Variants in ZNF469 observed in about 807,000 individuals in gnomAD.
ZNF469 encodes zinc finger protein 469.
Under a neutral mutation model 1.0 loss-of-function variants are expected in ZNF469, and 1 was observed. The ratio of observed to expected loss-of-function variants is 1.00; its 90% CI spans 0.35 to 4.73. The LOEUF (loss-of-function observed/expected upper bound fraction) is 4.73, where lower values mean the gene tolerates loss of function less well. Among genes scored for constraint, ZNF469 ranks in the 30% most tolerant of loss-of-function variants. ZNF469 has a pLI of 0.16. For missense variants in ZNF469, 6,100 were observed against 5,356.3 expected (o/e 1.14, Z -4.33); for synonymous variants, 2,703 against 2,363.4 (o/e 1.14, Z -4.17).
chr16:88,128,610 C>A, the ZNF469 span, among the ~76,000 whole-genome samples: 2 of 152,188 alleles, frequency 1.3e-5, no homozygotes, highest in African/African-American at 2.4e-5. Flanking sequence ...AGACAAGAGA[C>A]CCCCTCCCGC....
In ZNF469 at chr16:88,434,996, C is replaced by T. The variant is rs1906470183; in HGVS notation, c.7526C>T (p.Ala2509Val). Residue 2509 changes from alanine to valine, a missense_variant, in exon 3 of 3, where the codon GCC becomes GTC. Coordinates refer to ENST00000565624, the MANE Select transcript of ZNF469 (RefSeq NM_001367624.2). ...GCCCCCGCGGAGCCGAGCCCAGCGG[C>T]CTTGCCTGCTCAGCAGCCTCTAGAG... ...PGAPAEPSPA[A>V]LPAQQPLEPL... 9 of 1,550,278 alleles carry T rather than the reference C, an allele frequency of 5.8e-6. No individual in the cohort carries two copies. The highest frequency in any genetic ancestry group is 2.4e-5 in the East Asian group (1 of 40,918).
chr16:88,393,082 C>T (rs964323858), intron 1 of ZNF469, among the ~76,000 whole-genome samples: 1 of 152,398 alleles, frequency 6.6e-6, no homozygotes. Flanking sequence ...AACATCTGGC[C>T]GCAGGGCCTG....
the ZNF469 span, among the ~76,000 whole-genome samples, chr16:88,287,301 A>C: frequency 6.6e-6 from 1 of 152,246 alleles, no homozygotes; most frequent in East Asian, 1.9e-4. Context: ...TTGCTGTCAC[A>C]GTGAAACTGC....
chr16:88,239,709 ATATATATTTTTTTTTTTTTTTT>A, the ZNF469 span, among the ~76,000 whole-genome samples: 1 of 4,964 alleles, frequency 2.0e-4, no homozygotes, highest in Non-Finnish European at 3.1e-4. Context: ...ATATATATAT[ATATATATTTTTTTTTTTTTTTT>A]TTTTTTTTTT....
chr16:88,340,229 G>T, the ZNF469 span, among the ~76,000 whole-genome samples: 1 of 152,196 alleles, frequency 6.6e-6, no homozygotes, highest in East Asian at 1.9e-4. Context: ...GCAGAGCAGG[G>T]GGAGCCTGTT....
At chr16:88,266,979 G>T in the ZNF469 span, among the ~76,000 whole-genome samples, 16 of 152,370 alleles carry the variant, frequency 1.1e-4, no homozygotes, top group East Asian at 9.6e-4. Context: ...GCCATAACCA[G>T]GGGGGCCCTG....
rs759380807 is a variant in ZNF469 at position 88,430,587 on chromosome 16, G to A, written c.3117G>A (p.Arg1039=). 14 of 1,501,630 alleles carry A rather than the reference G, an allele frequency of 9.3e-6. No individual in the cohort carries two copies. The highest frequency in any genetic ancestry group is 1.1e-5 in the Non-Finnish European group (13 of 1,132,238). The allele number at this position is 1,501,630 out of a possible 1,614,324, so 93.0% of individuals were successfully genotyped here. A position where few individuals can be genotyped will look rare whatever the true frequency, so the allele number is the denominator to read the frequency against. The part of the protein sequence containing the change: ...RLPPRKDPRK[R]KARGGAWGKE... ...CCCCCAGGAAGGACCCCAGGAAGAG[G>A]AAGGCTCGGGGCGGCGCCTGGGGCA... Residue 1039 remains arginine, a synonymous_variant, in exon 3 of 3, where the codon AGG becomes AGA. Transcript: ENST00000565624.
At chr16:88,421,282 G>GGCCA (rs1051180506) in intron 1 of ZNF469, among the ~76,000 whole-genome samples, 4 of 152,164 alleles carry the variant, frequency 2.6e-5, no homozygotes, top group African/African-American at 9.7e-5. Flanking sequence ...GCTAAAGAGG[G>GGCCA]GCCAGTTCCT....
the ZNF469 span, among the ~76,000 whole-genome samples, chr16:88,355,807 T>C: frequency 1.3e-5 from 2 of 152,146 alleles, no homozygotes; most frequent in South Asian, 2.1e-4. Context: ...GGAGGCAGGA[T>C]GGACCTGGAC....
chr16:88,428,984 C>G lies in ZNF469; in HGVS notation c.1514C>G (p.Pro505Arg), dbSNP rs1441752742. The change falls in exon 3 of 3, where the codon CCT becomes CGT. Residue 505 changes from proline (P) to arginine (R), a missense_variant. Transcript: ENST00000565624. ...PHGMEMLSRL[P>R]FPAGGPEWQG... Reference sequence around the variant, plus strand: ...GGAATGGAGATGCTGAGCCGGCTGCCTTTCCCCGCGGGGGGCCCCGAGTGG... The same window carrying G: ...GGAATGGAGATGCTGAGCCGGCTGCGTTTCCCCGCGGGGGGCCCCGAGTGG... 2 of 1,549,164 alleles carry G rather than the reference C, an allele frequency of 1.3e-6. No homozygotes were observed. Among genetic ancestry groups the G allele is most frequent in the South Asian group, 1.2e-5 (1 of 84,008 alleles).
the ZNF469 span, among the ~76,000 whole-genome samples, chr16:88,338,494 CAAGTA>C: frequency 1.2e-4 from 19 of 152,294 alleles, no homozygotes; most frequent in East Asian, 1.7e-3. Flanking sequence ...TTGCCCCGCA[CAAGTA>C]TTGGGCCGTC....
the ZNF469 span, among the ~76,000 whole-genome samples, chr16:88,162,354 G>A: frequency 3.8e-5 from 4 of 106,294 alleles, no homozygotes; most frequent in East Asian, 2.6e-4. Flanking sequence ...AATGAAAAAA[G>A]ACATTCTTCA....
chr16:88,305,643 C>T, the ZNF469 span, among the ~76,000 whole-genome samples: 2 of 152,010 alleles, frequency 1.3e-5, no homozygotes, highest in Non-Finnish European at 2.9e-5. Context: ...TTCTCACAGG[C>T]ACACACGCAT....
chr16:88,183,505 C>G, the ZNF469 span, among the ~76,000 whole-genome samples: 1 of 152,116 alleles, frequency 6.6e-6, no homozygotes, highest in Non-Finnish European at 1.5e-5. Flanking sequence ...AAGCCTGCTG[C>G]GAAGTGAAGG....
At chr16:88,305,175 C>A in the ZNF469 span, among the ~76,000 whole-genome samples, 39 of 152,328 alleles carry the variant, frequency 2.6e-4, no homozygotes, top group African/African-American at 9.1e-4. Flanking sequence ...GCAGGCCACA[C>A]TGAGGGGATG....
In ZNF469 at chr16:88,432,644, C is replaced by G; in HGVS notation, c.5174C>G (p.Pro1725Arg). The change falls in exon 3 of 3, where the codon CCC becomes CGC. Residue 1725 changes from proline (P) to arginine (R), a missense_variant. By Grantham distance (103) the Pro-to-Arg change is moderately radical (BLOSUM62 -2). Coordinates refer to ENST00000565624, the MANE Select transcript of ZNF469 (RefSeq NM_001367624.2). ...CCCCAAGATGTCTGCCTGCCTGAGCCCAGCAAGCAGCCTGGCCCACAGCTG... is the reference window on the plus strand; with the variant it reads ...CCCCAAGATGTCTGCCTGCCTGAGCGCAGCAAGCAGCCTGGCCCACAGCTG... The part of the protein sequence containing the change: ...RPPQDVCLPE[P>R]SKQPGPQLDA... 2 of 1,550,414 alleles carry G rather than the reference C, an allele frequency of 1.3e-6. No individual in the cohort carries two copies. Among genetic ancestry groups the G allele is most frequent in the Non-Finnish European group, 1.7e-6 (2 of 1,146,978 alleles).
At chr16:88,213,966 T>G in the ZNF469 span, among the ~76,000 whole-genome samples, 1 of 152,324 alleles carries the variant, frequency 6.6e-6, no homozygotes, top group African/African-American at 2.4e-5. Context: ...GCAGACATGC[T>G]GAAAGCGTGG....
the ZNF469 span, among the ~76,000 whole-genome samples, chr16:88,243,953 A>G: frequency 3.1e-3 from 122 of 38,856 alleles, 2 homozygotes; most frequent in African/African-American, 9.1e-3. Flanking sequence ...TATATATATA[A>G]ATGTATGTGT....
At chr16:88,407,954 A>T (rs184884779) in intron 1 of ZNF469, among the ~76,000 whole-genome samples, 1 of 152,368 alleles carries the variant, frequency 6.6e-6, no homozygotes, top group Admixed American at 6.5e-5. Context: ...GAGTGCATGC[A>T]TCTGACACAC....
Sources: gnomAD v4.1 joint callset for allele counts (sites outside exome capture counted in the v4.1 genomes callset) on GRCh38, gnomAD v4.1.1 for gene constraint, MANE v1.5 for transcripts, NCBI Gene and HGNC (gene_info 2026-07-23, HGNC 2026-07-21) for gene names.